The following ITPR2 variants were observed in gnomAD, a reference collection of about 807,000 sequenced individuals.
The protein encoded by ITPR2 is inositol 1,4,5-trisphosphate receptor type 2, also known as inositol 1,4,5-trisphosphate-gated calcium channel ITPR2.
In ITPR2, 207 loss-of-function variants were observed where a neutral mutation model predicts 317.1. That is an observed-to-expected ratio of 0.65 (90% CI 0.58 to 0.73). The LOEUF (loss-of-function observed/expected upper bound fraction) is 0.73. Among genes scored for constraint, ITPR2 ranks in the 30% least tolerant of loss-of-function variants. ITPR2 has a pLI of 0.00. For missense variants in ITPR2, 2,613 were observed against 3,284.0 expected, an observed-to-expected ratio of 0.80 and a Z score of 4.99; for synonymous variants, 1,156 against 1,149.1, an observed-to-expected ratio of 1.01 and a Z score of -0.12.
At chr12:26,432,570 A>G (rs1426882982) in intron 48 of ITPR2, among the ~76,000 whole-genome samples, 1 of 152,110 alleles carries the variant, frequency 6.6e-6, no homozygotes, top group East Asian at 1.9e-4. Context: ...TTCATCATAT[A>G]GTCACCCATT....
At chr12:26,765,535 G>A (rs534534671) in intron 2 of ITPR2, among the ~76,000 whole-genome samples, 82 of 152,022 alleles carry the variant, frequency 5.4e-4, no homozygotes, top group Admixed American at 5.4e-3. Context: ...CTGATTGGAT[G>A]GATGTAATAA....
chr12:26,459,169 T>A (rs1487842420), intron 45 of ITPR2, among the ~76,000 whole-genome samples: 1 of 152,202 alleles, frequency 6.6e-6, no homozygotes, highest in Non-Finnish European at 1.5e-5. Flanking sequence ...ACATTTTAAA[T>A]GTACACACAC....
At chr12:26,578,489 A>T (rs1371308964) in intron 34 of ITPR2, among the ~76,000 whole-genome samples, 1 of 152,198 alleles carries the variant, frequency 6.6e-6, no homozygotes, top group East Asian at 1.9e-4. Context: ...AAAGTTCCAT[A>T]TGCAATAATA....
At chr12:26,465,438 A>G (rs1942147614) in intron 45 of ITPR2, among the ~76,000 whole-genome samples, 1 of 152,182 alleles carries the variant, frequency 6.6e-6, no homozygotes, top group South Asian at 2.1e-4. Flanking sequence ...AATTGGAGAT[A>G]GCAATTATAT....
In ITPR2 at chr12:26,725,716, T is replaced by C. The variant is rs760017814; in HGVS notation, c.213A>G (p.Gln71=). The C allele has an allele frequency of 6.2e-6, 10 of 1,613,284 alleles. No individual in the cohort carries two copies. The highest frequency in any genetic ancestry group is 3.3e-5 in the Admixed American group (2 of 59,928). Residue 71 remains glutamine, a synonymous_variant, in exon 3 of 57, where the codon CAA becomes CAG. Coordinates refer to ENST00000381340, the MANE Select transcript of ITPR2 (RefSeq NM_002223.4). ...CPMNRYSAQK[Q]YWKAKQAKQG... The stretch of plus-strand genomic sequence containing the variant: ...GTTTGGCTTGCTTTGCTTTCCAATA[T>C]TGCTTCTGGGCAGAATATCTGTTCA...
At chr12:26,636,107 G>A (rs541615198) in intron 21 of ITPR2, among the ~76,000 whole-genome samples, 59 of 152,156 alleles carry the variant, frequency 3.9e-4, no homozygotes, top group Non-Finnish European at 6.2e-4. Flanking sequence ...TTTATTCCAT[G>A]TGCCGAACCT....
intron 9 of ITPR2, among the ~76,000 whole-genome samples, chr12:26,710,101 G>C (rs955570196): frequency 6.6e-6 from 1 of 152,146 alleles, no homozygotes; most frequent in African/African-American, 2.4e-5. Context: ...AGGCATGGTG[G>C]TGTGAACCTG....
Position 26,696,741 on chromosome 12 carries a change from C to A in ITPR2, c.952-1091G>T, listed in dbSNP as rs375766856. Reference sequence around the variant, plus strand: ...CTTCAACGTCTCTTTAAGCTAGTGGCCACGTAAACAAAGATAAGAAGATAG... The same window carrying A: ...CTTCAACGTCTCTTTAAGCTAGTGGACACGTAAACAAAGATAAGAAGATAG... On this transcript the variant is annotated intron_variant, in intron 9 of 56. Transcript: ENST00000381340. Among the ~76,000 whole-genome samples, 13 of 152,242 alleles carry A rather than the reference C, an allele frequency of 8.5e-5. 1 individual carries two copies. The highest frequency in any genetic ancestry group is 2.9e-4 in the African/African-American group (12 of 41,526).
intron 49 of ITPR2, 54 bp downstream of exon 49, chr12:26,427,859 T>C: frequency 8.6e-7 from 1 of 1,162,268 alleles, no homozygotes; most frequent in Non-Finnish European, 1.1e-6. Context: ...TTTTTATATT[T>C]CATACACTTT....
rs556368639 is a variant in ITPR2 at position 26,393,461 on chromosome 12, CAAGGTCCTTTAAGGG to C, written c.7696+5400_7696+5414del. ...ATAATGCTTCTTATGTGTTTCTGCT[CAAGGTCCTTTAAGGG>C]AAGGGAGCAGAAAATGTATACCTTT... On this transcript the variant is annotated intron_variant, in intron 54 of 56. Transcript: ENST00000381340. 3.4e-3 allele frequency among the ~76,000 whole-genome samples: 523 copies of C among 152,276 alleles called. 8 individuals carry two copies. The highest frequency in any genetic ancestry group is 0.012 in the African/African-American group (503 of 41,540).
chr12:26,687,218 C>T (rs1182509532), intron 10 of ITPR2, among the ~76,000 whole-genome samples: 5 of 152,156 alleles, frequency 3.3e-5, no homozygotes, highest in African/African-American at 1.2e-4. Context: ...TCAATGCTTC[C>T]AGCACACCCT....
chr12:26,559,836 C>G (rs764688407), intron 35 of ITPR2, among the ~76,000 whole-genome samples: 7 of 151,896 alleles, frequency 4.6e-5, no homozygotes, highest in Non-Finnish European at 1.0e-4. Context: ...GATTATTCAT[C>G]TTCATTATTC....
At chr12:26,739,967 G>A (rs1306750440) in intron 2 of ITPR2, among the ~76,000 whole-genome samples, 1 of 152,232 alleles carries the variant, frequency 6.6e-6, no homozygotes, top group Non-Finnish European at 1.5e-5. Flanking sequence ...TGCTTGGCAT[G>A]TGGGAAGAGG....
chr12:26,707,124 T>C (rs1230273104), intron 9 of ITPR2, among the ~76,000 whole-genome samples: 1 of 152,218 alleles, frequency 6.6e-6, no homozygotes, highest in East Asian at 1.9e-4. Context: ...TCTTCCGAAC[T>C]AGAAGCTCCA....
At chr12:26,578,022 G>A (rs182047531) in intron 34 of ITPR2, among the ~76,000 whole-genome samples, 93 of 152,214 alleles carry the variant, frequency 6.1e-4, no homozygotes, top group African/African-American at 2.0e-3. Context: ...AATGAAATAC[G>A]CTACAAACTG....
At chr12:26,541,110 CCAGCCTGGT>C in intron 37 of ITPR2, among the ~76,000 whole-genome samples, 1 of 146,846 alleles carries the variant, frequency 6.8e-6, no homozygotes, top group East Asian at 2.0e-4. Flanking sequence ...GAGTTCAAGA[CCAGCCTGGT>C]CAACATGGTG....
intron 32 of ITPR2, among the ~76,000 whole-genome samples, chr12:26,589,153 T>C (rs1295139941): frequency 6.6e-6 from 1 of 152,170 alleles, no homozygotes. Context: ...ATGGGTCTAA[T>C]AGCATCGCTG....
At position 26,488,357 on chromosome 12, in the gene ITPR2, G is replaced by A. The variant is rs1435689295; in HGVS notation, c.5371-1106C>T. 1.3e-5 allele frequency among the ~76,000 whole-genome samples: 2 copies of A among 152,058 alleles called. 1 individual carries two copies. Among genetic ancestry groups the A allele is most frequent in the African/African-American group, 4.8e-5 (2 of 41,426 alleles). ...ATAAGAACATTTAAACAGCCAGTTT[G>A]GGGGAGTTTGCCCCAGGATATGCTT... On this transcript the variant is annotated intron_variant, in intron 39 of 56. Transcript: ENST00000381340.
intron 54 of ITPR2, among the ~76,000 whole-genome samples, chr12:26,398,398 G>C (rs1940072890): frequency 6.6e-6 from 1 of 152,180 alleles, no homozygotes; most frequent in South Asian, 2.1e-4. Context: ...ACTCCAGCCT[G>C]GGTAACAGAG....
Sources: gnomAD v4.1 joint callset for allele counts (sites outside exome capture counted in the v4.1 genomes callset) on GRCh38, gnomAD v4.1.1 for gene constraint, MANE v1.5 for transcripts, NCBI Gene and HGNC (gene_info 2026-07-23, HGNC 2026-07-21) for gene names.